Variants in GRID1 observed in about 807,000 individuals in gnomAD.
The protein encoded by GRID1 is glutamate ionotropic receptor delta type subunit 1.
A neutral mutation model predicts 98.0 loss-of-function variants in GRID1; 28 were observed. The ratio of observed to expected loss-of-function variants is 0.29; its 90% CI spans 0.21 to 0.39. The LOEUF (loss-of-function observed/expected upper bound fraction) is 0.39. Ranked by LOEUF, GRID1 falls within the 10% of genes least tolerant of loss-of-function variation. The pLI is 1.00. For missense variants in GRID1, 1,111 were observed against 1,340.5 expected, an observed-to-expected ratio of 0.83 and a Z score of 2.67; for synonymous variants, 553 against 538.5, an observed-to-expected ratio of 1.03 and a Z score of -0.37.
chr10:86,339,236 C>T (rs1848274563), intron 2 of GRID1, among the ~76,000 whole-genome samples: 1 of 152,234 alleles, frequency 6.6e-6, no homozygotes, highest in Non-Finnish European at 1.5e-5. Flanking sequence ...GAATCCTGCA[C>T]TTTCGAGAAA....
intron 4 of GRID1, among the ~76,000 whole-genome samples, chr10:85,954,551 T>A (rs377171449): frequency 9.9e-5 from 15 of 152,190 alleles, no homozygotes; most frequent in African/African-American, 3.6e-4. Context: ...GGAATCATTA[T>A]AAAAGGGCCA....
intron 4 of GRID1, among the ~76,000 whole-genome samples, chr10:86,043,821 T>C (rs908163033): frequency 3.3e-5 from 5 of 152,222 alleles, no homozygotes; most frequent in Admixed American, 1.3e-4. Context: ...TTGCATTTTC[T>C]AGAACTTTAA....
At chr10:86,091,544 C>T (rs1432932998) in intron 4 of GRID1, among the ~76,000 whole-genome samples, 1 of 151,988 alleles carries the variant, frequency 6.6e-6, no homozygotes, top group Non-Finnish European at 1.5e-5. Flanking sequence ...TGGTCCTTCC[C>T]TACCTACCCT....
intron 2 of GRID1, among the ~76,000 whole-genome samples, chr10:86,302,142 A>C (rs1007765764): frequency 5.9e-5 from 9 of 152,226 alleles, no homozygotes; most frequent in Non-Finnish European, 1.2e-4. Context: ...CACATGGTCT[A>C]GGTCACAGCC....
intron 5 of GRID1, among the ~76,000 whole-genome samples, chr10:85,880,946 T>G (rs1719243877): frequency 6.6e-6 from 1 of 152,146 alleles, no homozygotes; most frequent in South Asian, 2.1e-4. Flanking sequence ...AAAATCAATG[T>G]ACAAAAATCA....
chr10:85,732,290 G>A (rs935065977), intron 8 of GRID1, among the ~76,000 whole-genome samples: 3 of 152,166 alleles, frequency 2.0e-5, no homozygotes, highest in African/African-American at 7.2e-5. Flanking sequence ...CATAACAGAA[G>A]ACATCTTGTC....
At chr10:85,935,551 G>C (rs558419704) in intron 4 of GRID1, among the ~76,000 whole-genome samples, 2 of 152,290 alleles carry the variant, frequency 1.3e-5, no homozygotes, top group African/African-American at 4.8e-5. Flanking sequence ...ACAAGTATCT[G>C]TGTGCCAGGC....
intron 4 of GRID1, among the ~76,000 whole-genome samples, chr10:86,020,784 C>A (rs1843038250): frequency 6.6e-6 from 1 of 152,190 alleles, no homozygotes. Context: ...AGAAGGGAAG[C>A]CCTTCTGGGA....
intron 5 of GRID1, among the ~76,000 whole-genome samples, chr10:85,880,347 G>C (rs2131802395): frequency 6.6e-6 from 1 of 152,260 alleles, no homozygotes; most frequent in East Asian, 1.9e-4. Flanking sequence ...CAATATCCTT[G>C]ATGAACATTG....
At chr10:86,196,214 C>T (rs1391673577) in intron 3 of GRID1, among the ~76,000 whole-genome samples, 2 of 152,032 alleles carry the variant, frequency 1.3e-5, no homozygotes, top group Non-Finnish European at 2.9e-5. Context: ...AGCCCTCTTG[C>T]TCCCAGCTGT....
chr10:86,242,114 A>G (rs1285587925), intron 2 of GRID1, among the ~76,000 whole-genome samples: 1 of 152,250 alleles, frequency 6.6e-6, no homozygotes, highest in Non-Finnish European at 1.5e-5. Flanking sequence ...CTGGCAACAC[A>G]GTGGAACCTC....
intron 5 of GRID1, among the ~76,000 whole-genome samples, chr10:85,889,982 A>T (rs1346020570): frequency 2.6e-5 from 4 of 152,246 alleles, no homozygotes; most frequent in East Asian, 1.9e-4. Flanking sequence ...ATGCATAGTG[A>T]TCAGATCAGG....
chr10:85,687,441 A>C (rs573763770), intron 12 of GRID1, among the ~76,000 whole-genome samples: 2 of 152,196 alleles, frequency 1.3e-5, no homozygotes, highest in Admixed American at 6.5e-5. Flanking sequence ...TTGAATTTGT[A>C]TGGTAAGAAT....
At chr10:86,303,034 G>A (rs1847712640) in intron 2 of GRID1, among the ~76,000 whole-genome samples, 1 of 152,226 alleles carries the variant, frequency 6.6e-6, no homozygotes, top group African/African-American at 2.4e-5. Flanking sequence ...AACCAATCAG[G>A]TATAAGAGAT....
chr10:86,253,388 C>G (rs1417316531), intron 2 of GRID1, among the ~76,000 whole-genome samples: 1 of 152,246 alleles, frequency 6.6e-6, no homozygotes, highest in Non-Finnish European at 1.5e-5. Context: ...AACGCTCTTC[C>G]TGTGGCTTCT....
chr10:86,298,918 G>C (rs935086890), intron 2 of GRID1, among the ~76,000 whole-genome samples: 1 of 152,182 alleles, frequency 6.6e-6, no homozygotes, highest in African/African-American at 2.4e-5. Flanking sequence ...GCCAAGCCTG[G>C]GTGGCACGTG....
intron 4 of GRID1, chr10:86,052,649 C>T (rs1055447151): frequency 6.6e-5 from 10 of 151,466 alleles, no homozygotes; most frequent in Non-Finnish European, 1.0e-4. Flanking sequence ...ACAGAGAACA[C>T]AAAAATAAAA....
At chr10:86,044,851 G>T (rs891641894) in intron 4 of GRID1, among the ~76,000 whole-genome samples, 1 of 152,192 alleles carries the variant, frequency 6.6e-6, no homozygotes, top group African/African-American at 2.4e-5. Context: ...TACATTCTGT[G>T]TAGACTGCCG....
chr10:85,927,827 G>C (rs1841797117), intron 4 of GRID1, among the ~76,000 whole-genome samples: 1 of 152,204 alleles, frequency 6.6e-6, no homozygotes, highest in African/African-American at 2.4e-5. Context: ...AGATAGGCCA[G>C]CCTGGCCATG....
Sources: gnomAD v4.1 joint callset for allele counts (sites outside exome capture counted in the v4.1 genomes callset) on GRCh38, gnomAD v4.1.1 for gene constraint, MANE v1.5 for transcripts, NCBI Gene and HGNC (gene_info 2026-07-23, HGNC 2026-07-21) for gene names.